The following MAGI1 variants were observed in gnomAD, a reference collection of about 807,000 sequenced individuals.
MAGI1 encodes the protein membrane-associated guanylate kinase, WW and PDZ domain-containing protein 1.
A neutral mutation model predicts 139.9 loss-of-function variants in MAGI1; 58 were observed. That is an observed-to-expected ratio of 0.41 (90% CI 0.34 to 0.52). The LOEUF (loss-of-function observed/expected upper bound fraction) is 0.52, where lower values mean the gene tolerates loss of function less well. MAGI1 is among the 20% of genes least tolerant of loss of function. The probability of loss-of-function intolerance (pLI) is 0.12; values close to 1 mark genes in which losing one functional copy is unlikely to be tolerated. For missense variants in MAGI1, 1,874 were observed against 1,901.6 expected, an observed-to-expected ratio of 0.99 and a Z score of 0.27; for synonymous variants, 812 against 737.9, an observed-to-expected ratio of 1.10 and a Z score of -1.63.
intron 1 of MAGI1, among the ~76,000 whole-genome samples, chr3:65,755,491 C>T (rs1008062474): frequency 3.3e-5 from 5 of 151,306 alleles, no homozygotes; most frequent in Middle Eastern, 3.4e-3. Context: ...TAGAGTACTT[C>T]GGGGGCAAGG....
intron 2 of MAGI1, among the ~76,000 whole-genome samples, chr3:65,508,134 T>C (rs1036839738): frequency 6.6e-6 from 1 of 152,202 alleles, no homozygotes; most frequent in Non-Finnish European, 1.5e-5. Context: ...CCGGGCGCGG[T>C]GGCTCACGCC....
intron 1 of MAGI1, among the ~76,000 whole-genome samples, chr3:65,821,040 G>A (rs114862327): frequency 0.035 from 4,292 of 122,112 alleles, 104 homozygotes; most frequent in Middle Eastern, 0.05. Flanking sequence ...GGTCAAATCT[G>A]CAAAGGAAAG....
intron 1 of MAGI1, among the ~76,000 whole-genome samples, chr3:65,808,658 C>T (rs7632446): frequency 0.028 from 4,207 of 152,220 alleles, 89 homozygotes; most frequent in Non-Finnish European, 0.044. Flanking sequence ...GTTACATACC[C>T]GTGGGACCCA....
chr3:65,805,988 G>A (rs1255439535), intron 1 of MAGI1, among the ~76,000 whole-genome samples: 7 of 152,066 alleles, frequency 4.6e-5, no homozygotes, highest in Admixed American at 2.6e-4. Context: ...AATAGATGCA[G>A]GGCTTAATAC....
intron 20 of MAGI1, 26 bp from the exon 21 acceptor site, chr3:65,363,634 A>G: frequency 1.2e-6 from 2 of 1,604,926 alleles, no homozygotes; most frequent in South Asian, 2.2e-5. Context: ...AAATGCAATC[A>G]TTCTAGGAGA....
At chr3:65,438,338 G>A (rs1456126616) in intron 9 of MAGI1, among the ~76,000 whole-genome samples, 1 of 152,164 alleles carries the variant, frequency 6.6e-6, no homozygotes, top group Non-Finnish European at 1.5e-5. Context: ...TGTACTTACG[G>A]ACATGAAGTG....
At chr3:65,460,836 AG>A (rs1402861614) in intron 5 of MAGI1, among the ~76,000 whole-genome samples, 6 of 152,088 alleles carry the variant, frequency 3.9e-5, no homozygotes, top group Admixed American at 1.3e-4. Flanking sequence ...GCTGAGAATG[AG>A]GGTTTCCAGC....
chr3:66,015,063 C>G (rs2067550844), intron 1 of MAGI1, among the ~76,000 whole-genome samples: 1 of 151,812 alleles, frequency 6.6e-6, no homozygotes, highest in South Asian at 2.1e-4. Context: ...CTCTCCCAGA[C>G]CAGACAGGGT....
At chr3:65,710,011 G>A (rs2031112924) in intron 1 of MAGI1, among the ~76,000 whole-genome samples, 1 of 152,118 alleles carries the variant, frequency 6.6e-6, no homozygotes, top group Non-Finnish European at 1.5e-5. Flanking sequence ...AGCAAATAGT[G>A]AAATGTGCCA....
intron 1 of MAGI1, among the ~76,000 whole-genome samples, chr3:65,883,399 A>G (rs772769316): frequency 4.6e-5 from 7 of 152,218 alleles, no homozygotes; most frequent in Non-Finnish European, 8.8e-5. Flanking sequence ...CCTCAAGAAT[A>G]AACAAGAATA....
chr3:65,627,273 T>C (rs1330840208), intron 1 of MAGI1, among the ~76,000 whole-genome samples: 2 of 152,124 alleles, frequency 1.3e-5, no homozygotes, highest in East Asian at 1.9e-4. Flanking sequence ...ACTAGGTTTA[T>C]GTAAGTGCAC....
chr3:65,807,789 C>T lies in MAGI1; in HGVS notation c.314-185701G>A, dbSNP rs548691780. Among the ~76,000 whole-genome samples the T allele has an allele frequency of 1.6e-4, 24 of 152,272 alleles. No homozygotes were observed. In the South Asian group the frequency reaches 3.5e-3, roughly 22 times the overall value. On this transcript the variant is annotated intron_variant, in intron 1 of 22. Coordinates refer to ENST00000402939, the MANE Select transcript of MAGI1 (RefSeq NM_001033057.2). ...TTAATAACATGTGCTTTAAACACAACGTGATAATCCTCAGAGCAACCTCTC... is the reference window on the plus strand; with the variant it reads ...TTAATAACATGTGCTTTAAACACAATGTGATAATCCTCAGAGCAACCTCTC...
chr3:65,668,238 A>G (rs764033534), intron 1 of MAGI1, among the ~76,000 whole-genome samples: 19 of 152,182 alleles, frequency 1.2e-4, no homozygotes, highest in Non-Finnish European at 2.4e-4. Flanking sequence ...GAACGAATAC[A>G]CTTAATAAGG....
chr3:65,376,779 T>A (rs1942578135), intron 17 of MAGI1, among the ~76,000 whole-genome samples: 1 of 152,180 alleles, frequency 6.6e-6, no homozygotes, highest in African/African-American at 2.4e-5. Flanking sequence ...AAATCATTCC[T>A]CACCCTTTTT....
intron 2 of MAGI1, among the ~76,000 whole-genome samples, chr3:65,499,570 C>A (rs76116788): frequency 0.3 from 46,184 of 151,810 alleles, 8,574 homozygotes; most frequent in East Asian, 0.73. Context: ...TTGCAGTGAG[C>A]TGAGATTGCG....
chr3:66,037,934 G>T, intron 1 of MAGI1, 62 bp downstream of exon 1: 1 of 1,513,010 alleles, frequency 6.6e-7, no homozygotes, highest in Non-Finnish European at 8.8e-7. Context: ...CGAGAATAAG[G>T]GGCAGCCCAC....
At chr3:66,001,756 A>G (rs762150522) in intron 1 of MAGI1, among the ~76,000 whole-genome samples, 4 of 152,224 alleles carry the variant, frequency 2.6e-5, no homozygotes, top group Non-Finnish European at 5.9e-5. Context: ...TCTACCTAAC[A>G]AAAAACAAGT....
chr3:65,705,065 C>T (rs1227739508), intron 1 of MAGI1, among the ~76,000 whole-genome samples: 1 of 151,856 alleles, frequency 6.6e-6, no homozygotes, highest in Non-Finnish European at 1.5e-5. Context: ...TACTTTCATA[C>T]AAATACTAGA....
At chr3:65,922,223 T>C (rs543318245) in intron 1 of MAGI1, among the ~76,000 whole-genome samples, 41 of 152,262 alleles carry the variant, frequency 2.7e-4, no homozygotes, top group African/African-American at 9.4e-4. Flanking sequence ...ATTCATGCAT[T>C]AGCAACCAAT....
Sources: gnomAD v4.1 joint callset for allele counts (sites outside exome capture counted in the v4.1 genomes callset) on GRCh38, gnomAD v4.1.1 for gene constraint, MANE v1.5 for transcripts, NCBI Gene and HGNC (gene_info 2026-07-23, HGNC 2026-07-21) for gene names.